The following PKN2 variants were observed in gnomAD, a reference collection of about 807,000 sequenced individuals.
PKN2 encodes protein kinase N2.
Under a neutral mutation model 119.1 loss-of-function variants are expected in PKN2, and 38 were observed. The observed-to-expected ratio is 0.32, with a 90% CI of 0.25 to 0.42. The LOEUF (loss-of-function observed/expected upper bound fraction) is 0.42, where lower values mean the gene tolerates loss of function less well. PKN2 is among the 10% of genes least tolerant of loss of function. PKN2 has a pLI of 1.00. For synonymous variants in PKN2, 390 were observed against 384.9 expected, an observed-to-expected ratio of 1.01 and a Z score of -0.15; for missense variants, 850 against 1,165.1, an observed-to-expected ratio of 0.73 and a Z score of 3.94.
chr1:88,739,120 A>G (rs531755946), intron 1 of PKN2, among the ~76,000 whole-genome samples: 1 of 152,316 alleles, frequency 6.6e-6, no homozygotes, highest in South Asian at 2.1e-4. Flanking sequence ...CCTGGTAAGT[A>G]TACATAACAA....
At chr1:88,806,104 T>C in intron 12 of PKN2, 87 bp downstream of exon 12, 1 of 1,154,824 alleles carries the variant, frequency 8.7e-7, no homozygotes, top group South Asian at 1.3e-5. Flanking sequence ...TGTCTTTCCA[T>C]TTAAAATTGC....
chr1:88,794,728 C>G (rs2100850086), intron 8 of PKN2, among the ~76,000 whole-genome samples: 1 of 152,156 alleles, frequency 6.6e-6, no homozygotes, highest in Admixed American at 6.5e-5. Flanking sequence ...GATATTTGAT[C>G]AAATATTTCC....
At chr1:88,712,822 A>G (rs1435562640) in intron 1 of PKN2, among the ~76,000 whole-genome samples, 1 of 152,166 alleles carries the variant, frequency 6.6e-6, no homozygotes, top group African/African-American at 2.4e-5. Flanking sequence ...CATGTGCACA[A>G]CGTGCAGGTT....
chr1:88,784,188 A>G (rs1039860105), intron 6 of PKN2, among the ~76,000 whole-genome samples: 2 of 138,130 alleles, frequency 1.4e-5, no homozygotes, highest in African/African-American at 5.6e-5. Flanking sequence ...CAGTGGTGCA[A>G]TCTTGGCTCA....
intron 12 of PKN2, chr1:88,806,385 G>C (rs1026458852): frequency 4.5e-6 from 1 of 220,754 alleles, no homozygotes; most frequent in East Asian, 1.3e-4. Context: ...GGTCAGGCTG[G>C]TCTTAAACTC....
At chr1:88,782,072 T>C (rs1396255225) in intron 6 of PKN2, among the ~76,000 whole-genome samples, 3 of 152,122 alleles carry the variant, frequency 2.0e-5, no homozygotes, top group Non-Finnish European at 4.4e-5. Context: ...CCATCATCAG[T>C]AATCCAGTTT....
chr1:88,723,767 CA>C (rs1399853034), intron 1 of PKN2, among the ~76,000 whole-genome samples: 1 of 152,090 alleles, frequency 6.6e-6, no homozygotes, highest in East Asian at 1.9e-4. Context: ...TTTTAGTTAT[CA>C]AAATTCTATT....
At chr1:88,780,922 G>C (rs2100821314) in intron 6 of PKN2, 1 of 202,414 alleles carries the variant, frequency 4.9e-6, no homozygotes, top group East Asian at 1.8e-4. Context: ...TTCTATTCTA[G>C]TCTCCTGTTC....
chr1:88,755,935 A>G (rs1257677217), intron 2 of PKN2, among the ~76,000 whole-genome samples: 6 of 146,316 alleles, frequency 4.1e-5, no homozygotes, highest in Non-Finnish European at 8.9e-5. Flanking sequence ...TTTTTTTGAG[A>G]TGGAGTCTCG....
chr1:88,817,847 AACAT>A (rs1401300124), intron 16 of PKN2, among the ~76,000 whole-genome samples: 1 of 152,218 alleles, frequency 6.6e-6, no homozygotes, highest in African/African-American at 2.4e-5. Context: ...GCCAATATTC[AACAT>A]AGTATTGGAA....
intron 1 of PKN2, among the ~76,000 whole-genome samples, chr1:88,712,272 G>A (rs755495207): frequency 5.9e-5 from 9 of 151,986 alleles, no homozygotes; most frequent in Non-Finnish European, 8.8e-5. Flanking sequence ...ATAGGATGGC[G>A]CATATAATAG....
chr1:88,784,761 A>G lies in PKN2; in HGVS notation c.1108A>G (p.Ser370Gly). ...AAGTGAAACCAGATCATCTTTCATG[A>G]GCAGAACGAGTAAAAGTAAAAGCGG... ...SPSETRSSFM[S>G]RTSKSKSGSS... The change falls in exon 7 of 22, where the codon AGC becomes GGC. Residue 370 changes from serine to glycine, a missense_variant. Transcript: ENST00000370521. 6.2e-7 allele frequency: 1 copy of G among 1,612,854 alleles called. No individual in the cohort carries two copies. The highest frequency in any genetic ancestry group is 8.5e-7 in the Non-Finnish European group (1 of 1,179,264).
At chr1:88,786,314 T>A in intron 8 of PKN2, 101 bp downstream of exon 8, 1 of 567,982 alleles carries the variant, frequency 1.8e-6, no homozygotes, top group Non-Finnish European at 3.0e-6. Context: ...TTAACAAGAA[T>A]AAAAATAGAA....
chr1:88,808,295 T>A (rs1359012506), intron 15 of PKN2, among the ~76,000 whole-genome samples: 2 of 152,082 alleles, frequency 1.3e-5, no homozygotes, highest in Non-Finnish European at 2.9e-5. Flanking sequence ...ATTGTTTTTT[T>A]ATTTTTTGTT....
chr1:88,767,692 A>G (rs144012800), intron 3 of PKN2, among the ~76,000 whole-genome samples: 1 of 152,372 alleles, frequency 6.6e-6, no homozygotes, highest in East Asian at 1.9e-4. Context: ...CAGTCTGGCC[A>G]GAAGCTATTT....
At chr1:88,713,092 A>G (rs143351274) in intron 1 of PKN2, among the ~76,000 whole-genome samples, 3 of 152,306 alleles carry the variant, frequency 2.0e-5, no homozygotes, top group Non-Finnish European at 4.4e-5. Context: ...TGTCCCTACA[A>G]AGGAAGTGAA....
rs193263451 is a variant in PKN2 at position 88,775,067 on chromosome 1, A to G, written c.985+3188A>G. On this transcript the variant is annotated intron_variant, in intron 6 of 21. Coordinates refer to ENST00000370521, the MANE Select transcript of PKN2 (RefSeq NM_006256.4). ...CCTTTTATGAGATAGATAGATATAT[A>G]TATTCTCCCACCTCAGCCTCCCTAG... 8.4e-4 allele frequency among the ~76,000 whole-genome samples: 128 copies of G among 151,980 alleles called. 1 individual carries two copies. Among genetic ancestry groups the G allele is most frequent in the Admixed American group, 3.0e-3 (46 of 15,260 alleles).
At chr1:88,776,742 GA>G (rs370217141) in intron 6 of PKN2, among the ~76,000 whole-genome samples, 14,641 of 141,734 alleles carry the variant, frequency 0.1, 1,047 homozygotes, top group African/African-American at 0.21. Context: ...TCTGTCTTAA[GA>G]AAAAAAAAAA....
chr1:88,710,669 G>A (rs940208399), intron 1 of PKN2, among the ~76,000 whole-genome samples: 5 of 152,050 alleles, frequency 3.3e-5, no homozygotes, highest in Non-Finnish European at 7.4e-5. Flanking sequence ...CTGTCGAGGT[G>A]GAGAAAAAGG....
Sources: gnomAD v4.1 joint callset for allele counts (sites outside exome capture counted in the v4.1 genomes callset) on GRCh38, gnomAD v4.1.1 for gene constraint, MANE v1.5 for transcripts, NCBI Gene and HGNC (gene_info 2026-07-23, HGNC 2026-07-21) for gene names.